SHTN1: variants seen among roughly 807,000 people sequenced by gnomAD.
The protein encoded by SHTN1 is shootin 1, also known as shootin-1.
A neutral mutation model predicts 83.1 loss-of-function variants in SHTN1; 42 were observed. The ratio of observed to expected loss-of-function variants is 0.51; its 90% confidence interval spans 0.39 to 0.65. SHTN1 has a LOEUF of 0.65. Among genes scored for constraint, SHTN1 ranks in the 30% least tolerant of loss-of-function variants. The pLI, the probability that SHTN1 is intolerant of heterozygous loss-of-function variation, is 0.00. For synonymous variants in SHTN1, 224 were observed against 247.7 expected (o/e 0.90, Z 0.90); for missense variants, 622 against 737.8 (o/e 0.84, Z 1.82).
intron 2 of SHTN1, among the ~76,000 whole-genome samples, chr10:117,026,568 G>A (rs190823754): frequency 1.9e-3 from 293 of 152,146 alleles, no homozygotes; most frequent in African/African-American, 6.6e-3. Context: ...GATTACAGGT[G>A]TGCACCACTA....
At chr10:116,952,483 CAT>C (rs1849812334) in intron 5 of SHTN1, among the ~76,000 whole-genome samples, 1 of 152,112 alleles carries the variant, frequency 6.6e-6, no homozygotes. Flanking sequence ...AGTCCTTAGA[CAT>C]TATTTGAACT....
intron 2 of SHTN1, chr10:117,048,317 CAACT>C (rs1368461344): frequency 4.9e-6 from 1 of 205,526 alleles, no homozygotes; most frequent in African/African-American, 2.4e-5. Flanking sequence ...CCTATTCTGA[CAACT>C]AACTAATCAA....
chr10:117,078,315 T>A (rs898449765), intron 1 of SHTN1, among the ~76,000 whole-genome samples: 1 of 152,154 alleles, frequency 6.6e-6, no homozygotes, highest in Admixed American at 6.5e-5. Context: ...CTGTCAGCAG[T>A]TGACTCACCT....
chr10:116,943,954 G>A (rs1849478035), intron 8 of SHTN1, among the ~76,000 whole-genome samples: 1 of 152,096 alleles, frequency 6.6e-6, no homozygotes, highest in Non-Finnish European at 1.5e-5. Context: ...AAGACCCAAC[G>A]ACTGCATGTC....
At chr10:117,078,310 A>T (rs1233661007) in intron 1 of SHTN1, among the ~76,000 whole-genome samples, 2 of 152,178 alleles carry the variant, frequency 1.3e-5, no homozygotes, top group Non-Finnish European at 2.9e-5. Flanking sequence ...GGCTCCTGTC[A>T]GCAGTTGACT....
At chr10:117,033,026 G>A (rs1283030327) in intron 2 of SHTN1, among the ~76,000 whole-genome samples, 1 of 152,072 alleles carries the variant, frequency 6.6e-6, no homozygotes, top group Admixed American at 6.5e-5. Context: ...AAACCTATGG[G>A]ACAGAGCAAA....
At chr10:116,981,928 G>A (rs986612310) in intron 1 of SHTN1, among the ~76,000 whole-genome samples, 4 of 152,058 alleles carry the variant, frequency 2.6e-5, no homozygotes, top group South Asian at 2.1e-4. Flanking sequence ...GCGTGGTAGC[G>A]CGCACCTGTA....
intron 14 of SHTN1, chr10:116,911,367 T>C (rs2133346572): frequency 8.2e-7 from 1 of 1,212,546 alleles, no homozygotes; most frequent in East Asian, 2.6e-5. Flanking sequence ...ACTGTGACCC[T>C]GATATGAAGC....
chr10:117,098,228 A>G (rs1413683306), intron 1 of SHTN1, among the ~76,000 whole-genome samples: 1 of 143,642 alleles, frequency 7.0e-6, no homozygotes, highest in African/African-American at 2.5e-5. Context: ...CTCTACTAAA[A>G]AAAAAAAAAA....
At chr10:116,977,268 T>G (rs1199593650) in intron 2 of SHTN1, among the ~76,000 whole-genome samples, 1 of 152,210 alleles carries the variant, frequency 6.6e-6, no homozygotes, top group Non-Finnish European at 1.5e-5. Flanking sequence ...CTATCATCCT[T>G]CTTTCTCTAT....
intron 12 of SHTN1, 113 bp from the exon 13 acceptor site, chr10:116,915,597 T>G: frequency 1.5e-6 from 1 of 662,126 alleles, no homozygotes; most frequent in South Asian, 2.0e-5. Flanking sequence ...CATTTTTCAT[T>G]CACAGTTGCA....
At chr10:116,909,134 G>A (rs1287438048) in intron 14 of SHTN1, among the ~76,000 whole-genome samples, 2 of 152,162 alleles carry the variant, frequency 1.3e-5, no homozygotes, top group Admixed American at 6.5e-5. Flanking sequence ...TTCAAATTCA[G>A]TGAGCCTCAG....
intron 14 of SHTN1, chr10:116,911,403 A>T (rs946561863): frequency 6.7e-7 from 1 of 1,492,336 alleles, no homozygotes; most frequent in East Asian, 2.5e-5. Context: ...TTAGCTTCAC[A>T]TTTAGGATTC....
chr10:116,986,676 G>A (rs190280587), intron 1 of SHTN1, among the ~76,000 whole-genome samples: 2 of 149,114 alleles, frequency 1.3e-5, no homozygotes, highest in Admixed American at 6.7e-5. Context: ...GAGCTCAGGA[G>A]TTTGAGGCCG....
intron 1 of SHTN1, among the ~76,000 whole-genome samples, chr10:116,996,794 A>G (rs1014158769): frequency 1.3e-5 from 2 of 152,202 alleles, no homozygotes; most frequent in African/African-American, 2.4e-5. Flanking sequence ...TGACTCAATA[A>G]GATATGAGAC....
chr10:117,101,072 C>T (rs578071528), intron 1 of SHTN1, among the ~76,000 whole-genome samples: 5 of 151,888 alleles, frequency 3.3e-5, no homozygotes, highest in African/African-American at 1.2e-4. Flanking sequence ...CCAATTTATA[C>T]TTTAAGCTCA....
intron 1 of SHTN1, among the ~76,000 whole-genome samples, chr10:117,086,079 C>T (rs1206465941): frequency 6.6e-6 from 1 of 152,056 alleles, no homozygotes; most frequent in African/African-American, 2.4e-5. Context: ...TGCCACCACG[C>T]CCAGCTAATT....
chr10:117,084,712 A>G (rs894586900), intron 1 of SHTN1, among the ~76,000 whole-genome samples: 17 of 151,992 alleles, frequency 1.1e-4, no homozygotes, highest in African/African-American at 4.1e-4. Context: ...GGACCCTCCG[A>G]GCCAGGTGCA....
intron 13 of SHTN1, among the ~76,000 whole-genome samples, chr10:116,914,323 T>G (rs964395027): frequency 6.6e-6 from 1 of 151,954 alleles, no homozygotes; most frequent in African/African-American, 2.4e-5. Context: ...AATACAAAAA[T>G]TAGCTGGGCA....
Sources: allele counts gnomAD v4.1 joint callset (sites outside exome capture counted in the v4.1 genomes callset), GRCh38; gene constraint gnomAD v4.1.1; transcripts MANE v1.5; gene names NCBI Gene and HGNC (gene_info 2026-07-23, HGNC 2026-07-21).